WIPI1: variants seen among roughly 807,000 people sequenced by gnomAD.
WIPI1 encodes WD repeat domain phosphoinositide-interacting protein 1.
Under a neutral mutation model 55.3 loss-of-function variants are expected in WIPI1, and 45 were observed. The observed-to-expected ratio is 0.81, with a 90% CI of 0.64 to 1.04. The LOEUF is 1.04. WIPI1 is among the 50% of genes least tolerant of loss of function. WIPI1 has a pLI of 0.00. For synonymous variants in WIPI1, 195 were observed against 217.6 expected, an observed-to-expected ratio of 0.90 and a Z score of 0.92; for missense variants, 445 against 559.0, an observed-to-expected ratio of 0.80 and a Z score of 2.06.
At position 68,453,002 on chromosome 17, in the gene WIPI1, A is replaced by G; in HGVS notation, c.81-10T>C. The G allele has an allele frequency of 2.5e-6, 4 of 1,606,506 alleles. No homozygotes were observed. Among genetic ancestry groups the G allele is most frequent in the Non-Finnish European group, 3.4e-6 (4 of 1,173,226 alleles). On this transcript the variant is annotated splice_polypyrimidine_tract_variant and intron_variant, in intron 1 of 12. Transcript: ENST00000262139. Reference sequence around the variant, plus strand: ...TCCAGTTGCTAGGGATCTGTGGAGGATAATGACAGCATGGGAATAACGACA... The same window carrying G: ...TCCAGTTGCTAGGGATCTGTGGAGGGTAATGACAGCATGGGAATAACGACA...
At position 68,426,117 on chromosome 17, in the gene WIPI1, C is replaced by T. The variant is rs199788482; in HGVS notation, c.1251G>A (p.Ala417=). 1,029 of 1,612,626 alleles carry T rather than the reference C, an allele frequency of 6.4e-4. 7 individuals are homozygous for T. Among genetic ancestry groups the T allele is most frequent in the South Asian group, 2.3e-4 (21 of 91,014 alleles). The change falls in exon 12 of 13, where the codon GCG becomes GCA. Residue 417 remains alanine, a synonymous_variant. Transcript: ENST00000262139. ...RGEVIPEHEF[A]TGPVCLDDEN... is the part of the protein sequence containing the mutation. ...CATCATCAAGACACACTGGTCCCGT[C>T]GCAAACTCATGTTCAGGAATAACTT...
chr17:68,427,534 T>C (rs1169849244), intron 10 of WIPI1: 1 of 244,640 alleles, frequency 4.1e-6, no homozygotes, highest in African/African-American at 2.3e-5. Flanking sequence ...TTTTTGTATT[T>C]TTAGTAGAGA....
intron 12 of WIPI1, chr17:68,422,576 C>T (rs1309222626): frequency 6.6e-6 from 1 of 151,578 alleles, no homozygotes; most frequent in South Asian, 2.1e-4. Context: ...ACTAAAAATA[C>T]AAAATTTAGC....
At chr17:68,435,467 C>T (rs192489067) in intron 6 of WIPI1, among the ~76,000 whole-genome samples, 153 bp downstream of exon 6, 1 of 152,340 alleles carries the variant, frequency 6.6e-6, no homozygotes, top group East Asian at 1.9e-4. Context: ...ACCACACATG[C>T]AGAGGCCAGA....
chr17:68,444,617 C>T (rs370625285), intron 3 of WIPI1, 28 bp from the exon 4 acceptor site: 10 of 1,582,476 alleles, frequency 6.3e-6, no homozygotes, highest in Middle Eastern at 1.7e-4. Context: ...TATCAGTCTA[C>T]CGAACCGTTC....
rs529222015 is a variant in WIPI1 at position 68,428,045 on chromosome 17, C to T, written c.1073+784G>A. ...AGCTGGGACTACAAGGCATGTACCACCATGCCTGGCTAATTTTTATATTTT... is the reference window on the plus strand; with the variant it reads ...AGCTGGGACTACAAGGCATGTACCATCATGCCTGGCTAATTTTTATATTTT... On this transcript the variant is annotated intron_variant, in intron 10 of 12. Transcript: ENST00000262139. Among the ~76,000 whole-genome samples, 231 of 152,140 alleles carry T rather than the reference C, an allele frequency of 1.5e-3. 1 individual carries two copies. Among genetic ancestry groups the T allele is most frequent in the African/African-American group, 5.0e-3 (209 of 41,512 alleles).
intron 4 of WIPI1, among the ~76,000 whole-genome samples, chr17:68,436,776 C>T (rs2083812998): frequency 1.3e-5 from 2 of 152,068 alleles, no homozygotes; most frequent in South Asian, 2.1e-4. Context: ...GCGGGCGGAT[C>T]ACTTGAGGTC....
Position 68,428,824 on chromosome 17 carries a change from T to C in WIPI1, c.1073+5A>G, listed in dbSNP as rs1346615954. 2 of 1,610,300 alleles carry C rather than the reference T, an allele frequency of 1.2e-6. No individual in the cohort carries two copies. The highest frequency in any genetic ancestry group is 2.7e-5 in the African/African-American group (2 of 74,850). ...AGGCTGTCTTTTGAAAAGCAGTCTC[T>C]TCACCTGTGGGTTTTGATTAAGACA... is the stretch of plus-strand genomic sequence containing the variant. On this transcript the variant is annotated splice_donor_5th_base_variant and intron_variant, in intron 10 of 12. Coordinates refer to ENST00000262139, the MANE Select transcript of WIPI1 (RefSeq NM_017983.7).
chr17:68,447,656 G>A (rs568779915), intron 3 of WIPI1, among the ~76,000 whole-genome samples: 2 of 152,260 alleles, frequency 1.3e-5, no homozygotes, highest in Non-Finnish European at 2.9e-5. Flanking sequence ...CTCCTGAAGT[G>A]CTGGGACCAC....
At position 68,428,918 on chromosome 17, in the gene WIPI1, C is replaced by T; in HGVS notation, c.984G>A (p.Arg328=). The T allele has an allele frequency of 6.2e-7, 1 of 1,613,954 alleles. No individual in the cohort carries two copies. The change falls in exon 10 of 13, where the codon CGG becomes CGA. Residue 328 remains arginine (R), a synonymous_variant. Transcript: ENST00000262139. ...CTLSTIQKLP[R]LLVASSSGHL... is the part of the protein sequence containing the mutation. The stretch of plus-strand genomic sequence containing the variant: ...GTCCACTGGATGACGCAACTAGCAG[C>T]CGTGGCAACTTCTGGATCCTAAGGG...
At chr17:68,426,242 T>TTGG (rs1555798450) in intron 11 of WIPI1, 67 bp from the exon 12 acceptor site, 8 of 682,812 alleles carry the variant, frequency 1.2e-5, no homozygotes, top group Admixed American at 4.0e-5. Context: ...ACCTGGCGGG[T>TTGG]GGGGAGCGGG....
At chr17:68,427,745 C>G (rs1348432714) in intron 10 of WIPI1, among the ~76,000 whole-genome samples, 1 of 152,232 alleles carries the variant, frequency 6.6e-6, no homozygotes, top group Non-Finnish European at 1.5e-5. Context: ...AAGATTAGTC[C>G]TCTGCTCTTC....
intron 4 of WIPI1, among the ~76,000 whole-genome samples, chr17:68,443,486 T>C (rs2084166560): frequency 6.6e-6 from 1 of 152,200 alleles, no homozygotes; most frequent in Non-Finnish European, 1.5e-5. Context: ...CCAAGGGCCA[T>C]TTATAGAATT....
rs756847095 is a variant in WIPI1, at chr17:68,430,123, C to G, written c.838G>C (p.Gly280Arg). The G allele has an allele frequency of 1.4e-5, 23 of 1,613,916 alleles. No homozygotes were observed. Among genetic ancestry groups the G allele is most frequent in the Non-Finnish European group, 1.9e-5 (22 of 1,180,000 alleles). Residue 280 changes from glycine to arginine, a missense_variant, in exon 9 of 13, where the codon GGA (glycine) becomes CGA (arginine). Gly to Arg is a moderately radical substitution (Grantham distance 125). Transcript: ENST00000262139. Reference protein sequence around the residue: ...EEPSTWSGYMGKMFMAATNYL... With the variant: ...EEPSTWSGYMRKMFMAATNYL... ...TTGGTAGCAGCCATAAACATCTTTC[C>G]CATGTAGCCACTCCAGGTCGAAGGC...
At chr17:68,444,931 T>C (rs1314612308) in intron 3 of WIPI1, among the ~76,000 whole-genome samples, 1 of 146,616 alleles carries the variant, frequency 6.8e-6, no homozygotes, top group Non-Finnish European at 1.5e-5. Flanking sequence ...TTTTTTTTTT[T>C]TTTTTTTGAG....
At chr17:68,437,948 TAAAAAAAAA>T (rs199649033) in intron 4 of WIPI1, among the ~76,000 whole-genome samples, 8 of 78,804 alleles carry the variant, frequency 1.0e-4, no homozygotes, top group Admixed American at 2.5e-4. Context: ...ACATCTCTCT[TAAAAAAAAA>T]AAAAAAAAAA....
In WIPI1 at chr17:68,431,613, T is replaced by C. The variant is rs1449693483; in HGVS notation, c.801-1453A>G. On this transcript the variant is annotated intron_variant, in intron 8 of 12. Transcript: ENST00000262139. ...CAAGATGATATAGGATGGACTGGTATTGGTTGAAAGAGACTGGAAAGTCAG... is the reference window on the plus strand; with the variant it reads ...CAAGATGATATAGGATGGACTGGTACTGGTTGAAAGAGACTGGAAAGTCAG... Among the ~76,000 whole-genome samples, 4 of 119,362 alleles carry C rather than the reference T, an allele frequency of 3.4e-5. No homozygotes were observed. The East Asian group carries it at 7.4e-4, about 22-fold the overall frequency. 78.3% of individuals were successfully genotyped at this position (119,362 alleles called of 152,430 possible).
chr17:68,434,546 G>T lies in WIPI1; in HGVS notation c.692+10C>A. On this transcript the variant is annotated intron_variant, in intron 7 of 12. Transcript: ENST00000262139. ...GGGACTTTAAAATGGGTTTGACATT[G>T]AACACAGACCTTTTCATCCCTCTCC... The T allele has an allele frequency of 6.2e-7, 1 of 1,613,704 alleles. No individual in the cohort carries two copies. Among genetic ancestry groups the T allele is most frequent in the South Asian group, 1.1e-5 (1 of 91,060 alleles).
intron 9 of WIPI1, 37 bp from the exon 10 acceptor site, chr17:68,428,973 G>A (rs377120957): frequency 2.9e-5 from 43 of 1,499,582 alleles, no homozygotes; most frequent in African/African-American, 4.1e-5. Flanking sequence ...TGATGACAAC[G>A]AAGATGGGCG....
Sources: gnomAD v4.1 joint callset for allele counts (sites outside exome capture counted in the v4.1 genomes callset) on GRCh38, gnomAD v4.1.1 for gene constraint, MANE v1.5 for transcripts, NCBI Gene and HGNC (gene_info 2026-07-23, HGNC 2026-07-21) for gene names.